The following CARS1 variants were observed in gnomAD, a reference collection of about 807,000 sequenced individuals.
CARS1 encodes the protein cysteinyl-tRNA synthetase 1.
Under a neutral mutation model 106.2 loss-of-function variants are expected in CARS1, and 48 were observed. The ratio of observed to expected loss-of-function variants is 0.45; its 90% confidence interval spans 0.36 to 0.57. The LOEUF (loss-of-function observed/expected upper bound fraction) is 0.57, where lower values mean the gene tolerates loss of function less well. Among genes scored for constraint, CARS1 ranks in the 20% least tolerant of loss-of-function variants. The pLI is 0.00. For missense variants in CARS1, 968 were observed against 1,057.2 expected (o/e 0.92, Z 1.17); for synonymous variants, 409 against 403.4 (o/e 1.01, Z -0.17).
rs559864393 is a variant in CARS1 at position 3,019,470 on chromosome 11, C to T, written c.1267-203G>A. Among the ~76,000 whole-genome samples, 3 of 152,226 alleles carry T rather than the reference C, an allele frequency of 2.0e-5. No individual in the cohort carries two copies. The highest frequency in any genetic ancestry group is 2.9e-5 in the Non-Finnish European group (2 of 68,018). ...CAGCACTTTGCGATGCCGAGGCAGA[C>T]GGATCACCAGGTCAGGAGTTCAAGA... On this transcript the variant is annotated intron_variant, in intron 11 of 22. Transcript: ENST00000380525. This position sits in a 1 kb window ranked among gnomAD's most constrained non-coding sequence, Gnocchi z 6.2.
chr11:3,036,188 A>C (rs1446229052), intron 7 of CARS1, among the ~76,000 whole-genome samples: 1 of 152,226 alleles, frequency 6.6e-6, no homozygotes, highest in East Asian at 1.9e-4. Context: ...GGATGATTGA[A>C]GACTCCGCCT....
At chr11:3,027,708 C>G in intron 9 of CARS1, 2 of 376,974 alleles carry the variant, frequency 5.3e-6, no homozygotes, top group South Asian at 3.9e-5. Flanking sequence ...GACCAGAAGA[C>G]AAGAGTGTGA....
At chr11:3,054,962 T>C in intron 1 of CARS1, 2 of 702,578 alleles carry the variant, frequency 2.8e-6, no homozygotes, top group South Asian at 3.0e-5. Flanking sequence ...ACCTCAGAAA[T>C]GAAACTCATC....
chr11:3,017,905 G>C lies in CARS1; in HGVS notation c.1679C>G (p.Thr560Ser). The C allele has an allele frequency of 6.2e-7, 1 of 1,613,898 alleles. No individual in the cohort carries two copies. Among genetic ancestry groups the C allele is most frequent in the Non-Finnish European group, 8.5e-7 (1 of 1,179,800 alleles). Residue 560 changes from threonine (T) to serine (S), a missense_variant, in exon 15 of 23, where the codon ACT becomes AGT. Physicochemically the swap from Thr to Ser is moderately conservative, Grantham distance 58. Coordinates refer to ENST00000380525, the MANE Select transcript of CARS1 (RefSeq NM_001014437.3). This position sits in a 1 kb window ranked among gnomAD's most constrained non-coding sequence, Gnocchi z 4.9. The stretch of plus-strand genomic sequence containing the variant: ...TTCTCCCCACTTCTCAAACTGACCA[G>C]TGATGTCAACAGGAGCGCGAAGGAT... ...KDILRAPVDI[T>S]GQFEKWGEEE... is the part of the protein sequence containing the mutation.
Position 3,002,535 on chromosome 11 carries a change from C to T in CARS1, c.2277+6G>A. 2 of 1,614,128 alleles carry T rather than the reference C, an allele frequency of 1.2e-6. No individual in the cohort carries two copies. Among genetic ancestry groups the T allele is most frequent in the South Asian group, 1.1e-5 (1 of 91,088 alleles). ...AGAGCCCTCACCCCCAAACAAAATG[C>T]ATTACTTCTTGTTCCTGTTTCCTCC... On this transcript the variant is annotated splice_donor_region_variant and intron_variant, in intron 21 of 22. Coordinates refer to ENST00000380525, the MANE Select transcript of CARS1 (RefSeq NM_001014437.3).
chr11:3,032,596 T>C (rs1277204247), intron 7 of CARS1, among the ~76,000 whole-genome samples: 6 of 152,108 alleles, frequency 3.9e-5, no homozygotes, highest in Non-Finnish European at 8.8e-5. Context: ...GAAATCCCTA[T>C]GCATTTTGGT....
Position 3,048,255 on chromosome 11 carries a change from G to A in CARS1, c.26-254C>T, listed in dbSNP as rs1277811215. ...TGCTTTGGAACTAGACAGAAATGAA[G>A]GCTGCATGACAACATCATGCGCCAA... On this transcript the variant is annotated intron_variant, in intron 1 of 22. Transcript: ENST00000380525. This position sits in a 1 kb window ranked among gnomAD's most constrained non-coding sequence, Gnocchi z 5.1. 4.0e-5 allele frequency: 18 copies of A among 455,494 alleles called. No homozygotes were observed. Among genetic ancestry groups the A allele is most frequent in the Non-Finnish European group, 3.9e-6 (1 of 253,390 alleles). 28.2% of individuals were successfully genotyped at this position (455,494 alleles called of 1,614,324 possible).
chr11:3,029,280 C>T lies in CARS1; in HGVS notation c.942+23G>A, dbSNP rs1852449081. 3 of 1,612,636 alleles carry T rather than the reference C, an allele frequency of 1.9e-6. No homozygotes were observed. Among genetic ancestry groups the T allele is most frequent in the South Asian group, 1.1e-5 (1 of 91,066 alleles). ...AGGGCCCTTAGCGCAAGAGAGCCAGCACAAGACAATCGTGACACTTACATT... is the reference window on the plus strand; with the variant it reads ...AGGGCCCTTAGCGCAAGAGAGCCAGTACAAGACAATCGTGACACTTACATT... On this transcript the variant is annotated intron_variant, in intron 8 of 22. Transcript: ENST00000380525. The surrounding 1 kb of genome is among the most constrained non-coding windows in gnomAD (Gnocchi z 5.9).
Position 3,040,182 on chromosome 11 carries a change from A to C in CARS1, c.456-251T>G. On this transcript the variant is annotated intron_variant, in intron 4 of 22. Coordinates refer to ENST00000380525, the MANE Select transcript of CARS1 (RefSeq NM_001014437.3). This position sits in a 1 kb window ranked among gnomAD's most constrained non-coding sequence, Gnocchi z 5.8. ...CCTCTCCCTTATGATTTTCTTCATA[A>C]TATTTTCTTTTCTCTGGCTTCCTTT... The C allele has an allele frequency of 2.3e-6, 1 of 428,956 alleles. No individual in the cohort carries two copies. Among genetic ancestry groups the C allele is most frequent in the South Asian group, 3.8e-5 (1 of 26,356 alleles). The allele number at this position is 428,956 out of a possible 1,614,324, so 26.6% of individuals were successfully genotyped here. A position where few individuals can be genotyped will look rare whatever the true frequency, so the allele number is the denominator to read the frequency against.
chr11:3,035,522 G>C (rs1452071738), intron 7 of CARS1, among the ~76,000 whole-genome samples: 1 of 152,150 alleles, frequency 6.6e-6, no homozygotes, highest in Non-Finnish European at 1.5e-5. Context: ...GTCTCACTCT[G>C]CTGCCCAGGC....
chr11:3,042,934 G>A (rs569739527), intron 2 of CARS1, among the ~76,000 whole-genome samples: 938 of 77,102 alleles, frequency 0.012, 6 homozygotes, highest in African/African-American at 0.04. Flanking sequence ...TCATCACTTC[G>A]GACACTGCAG....
rs991190681 is a variant in CARS1, at chr11:3,050,085, A to C, written c.26-2084T>G. Among the ~76,000 whole-genome samples, 11 of 152,154 alleles carry C rather than the reference A, an allele frequency of 7.2e-5. No individual in the cohort carries two copies. Among genetic ancestry groups the C allele is most frequent in the Non-Finnish European group, 1.0e-4 (7 of 68,028 alleles). ...AGCCTACGGAGCCACGTGATGCCCC[A>C]AGGCCCAGCCTCCGTGGCTGCCGGA... On this transcript the variant is annotated intron_variant, in intron 1 of 22. Coordinates refer to ENST00000380525, the MANE Select transcript of CARS1 (RefSeq NM_001014437.3). This position sits in a 1 kb window ranked among gnomAD's most constrained non-coding sequence, Gnocchi z 6.3.
intron 10 of CARS1, among the ~76,000 whole-genome samples, chr11:3,023,278 C>T (rs1851743002): frequency 2.6e-5 from 4 of 152,194 alleles, no homozygotes; most frequent in Admixed American, 2.6e-4. Flanking sequence ...CTCCCGGCAT[C>T]TAAGTGTCAA....
At chr11:3,002,251 T>C (rs1266440041) in intron 21 of CARS1, 198 bp from the exon 22 acceptor site, 1 of 652,712 alleles carries the variant, frequency 1.5e-6, no homozygotes, top group East Asian at 2.5e-5. Context: ...ATGTTATTTC[T>C]ACAGGAATAG....
rs1211581667 is a variant in CARS1 at position 3,045,494 on chromosome 11, G to A, written c.274+2259C>T. 1.3e-5 allele frequency among the ~76,000 whole-genome samples: 2 copies of A among 152,184 alleles called. No homozygotes were observed. Among genetic ancestry groups the A allele is most frequent in the Admixed American group, 6.5e-5 (1 of 15,282 alleles). On this transcript the variant is annotated intron_variant, in intron 2 of 22. Coordinates refer to ENST00000380525, the MANE Select transcript of CARS1 (RefSeq NM_001014437.3). The surrounding 1 kb of genome is among the most constrained non-coding windows in gnomAD (Gnocchi z 5.6). ...TTAGCGAGCATGGTCTCAATCTCCT[G>A]ACCTCGTGATCCGCCCGCCTTGGCC...
Position 3,047,873 on chromosome 11 carries a change from T to C in CARS1, c.154A>G (p.Arg52Gly). The C allele has an allele frequency of 6.2e-7, 1 of 1,614,058 alleles. No homozygotes were observed. The highest frequency in any genetic ancestry group is 2.2e-5 in the East Asian group (1 of 44,850). ...SLSQADVDAF[R>G]QLSAPPADPQ... Reference sequence around the variant, plus strand: ...TCAGCGGGCGGGGCCGAGAGCTGCCTGAACGCGTCCACGTCTGCCTGGGAC... The same window carrying C: ...TCAGCGGGCGGGGCCGAGAGCTGCCCGAACGCGTCCACGTCTGCCTGGGAC... The change falls in exon 2 of 23, where the codon AGG (arginine) becomes GGG (glycine). Residue 52 changes from arginine to glycine, a missense_variant. Physicochemically the swap from Arg to Gly is moderately radical, Grantham distance 125. Coordinates refer to ENST00000380525, the MANE Select transcript of CARS1 (RefSeq NM_001014437.3).
rs118087848 is a variant in CARS1 at position 3,037,744 on chromosome 11, C to T, written c.801+306G>A. 0.011 allele frequency among the ~76,000 whole-genome samples: 1,627 copies of T among 152,276 alleles called. 16 individuals are homozygous for T. The highest frequency in any genetic ancestry group is 0.016 in the Admixed American group (246 of 15,298). On this transcript the variant is annotated intron_variant, in intron 7 of 22. Transcript: ENST00000380525. The surrounding 1 kb of genome is among the most constrained non-coding windows in gnomAD (Gnocchi z 5.9). ...AATCTTGGAACACTTCGACAGAAGG[C>T]TGCCTCCCCACGTTCCAAGTGCACC...
At chr11:3,013,014 C>T (rs1437680273) in intron 17 of CARS1, among the ~76,000 whole-genome samples, 10 of 151,656 alleles carry the variant, frequency 6.6e-5, no homozygotes, top group Admixed American at 4.6e-4. Context: ...CTCAGCCTCC[C>T]GAGTAGCTGG....
chr11:3,016,027 A>G (rs1440634487), intron 16 of CARS1, among the ~76,000 whole-genome samples, 178 bp from the exon 17 acceptor site: 1 of 152,194 alleles, frequency 6.6e-6, no homozygotes, highest in African/African-American at 2.4e-5. Flanking sequence ...TCATTGCTCC[A>G]GGATGGCCCT....
Sources: gnomAD v4.1 joint callset for allele counts (sites outside exome capture counted in the v4.1 genomes callset) on GRCh38, gnomAD v4.1.1 for gene constraint, Gnocchi (gnomAD v3.1) non-coding constraint, MANE v1.5 for transcripts, NCBI Gene and HGNC (gene_info 2026-07-23, HGNC 2026-07-21) for gene names.